The following CAMTA1 variants were observed in gnomAD, a reference collection of about 807,000 sequenced individuals.
CAMTA1 encodes calmodulin-binding transcription activator 1.
A neutral mutation model predicts 170.9 loss-of-function variants in CAMTA1; 27 were observed. The ratio of observed to expected loss-of-function variants is 0.16; its 90% CI spans 0.12 to 0.22. The LOEUF is 0.22. Among genes scored for constraint, CAMTA1 ranks in the 10% least tolerant of loss-of-function variants. CAMTA1 has a pLI of 1.00. For synonymous variants in CAMTA1, 833 were observed against 891.5 expected (o/e 0.93, Z 1.17); for missense variants, 1,619 against 2,217.2 (o/e 0.73, Z 5.42).
At chr1:6,791,061 A>G (rs1193697267) in intron 1 of CAMTA1, among the ~76,000 whole-genome samples, 1 of 148,284 alleles carries the variant, frequency 6.7e-6, no homozygotes, top group Non-Finnish European at 1.5e-5. Flanking sequence ...TTTCCATTAT[A>G]CAGATCTTTT....
chr1:7,162,591 A>C lies in CAMTA1; in HGVS notation c.302+71220A>C, dbSNP rs1364443792. Among the ~76,000 whole-genome samples the C allele has an allele frequency of 2.0e-5, 3 of 152,166 alleles. No individual in the cohort carries two copies. In the East Asian group the frequency reaches 5.8e-4, roughly 29 times the overall value. On this transcript the variant is annotated intron_variant, in intron 4 of 22. Coordinates refer to ENST00000303635, the MANE Select transcript of CAMTA1 (RefSeq NM_015215.4). ...CTCTTGCAACTGGCTTTTTAAACTT[A>C]TGGTAATGTTTTCAAGGTTTATTCA...
At chr1:7,723,901 C>T (rs2149807756) in intron 11 of CAMTA1, among the ~76,000 whole-genome samples, 1 of 152,342 alleles carries the variant, frequency 6.6e-6, no homozygotes, top group South Asian at 2.1e-4. Flanking sequence ...CTCACTGCAA[C>T]CTCTGCCTCC....
At chr1:6,794,327 A>G (rs1641918444) in intron 1 of CAMTA1, among the ~76,000 whole-genome samples, 1 of 152,194 alleles carries the variant, frequency 6.6e-6, no homozygotes, top group Admixed American at 6.5e-5. Context: ...GGATTTTTTT[A>G]TTGCGAATCC....
Position 7,766,485 on chromosome 1 carries a change from A to C in CAMTA1, c.5016A>C (p.Gly1672=), listed in dbSNP as rs1007879037. ...KRSERIEKGQ[G]T is the part of the protein sequence containing the mutation. The stretch of plus-strand genomic sequence containing the variant: ...GTGAAAGAATTGAAAAAGGCCAAGG[A>C]ACTTGAAGACATACAGCAGCATCCC... The change falls in exon 23 of 23, where the codon GGA becomes GGC. Residue 1672 remains glycine (G), a synonymous_variant. Coordinates refer to ENST00000303635, the MANE Select transcript of CAMTA1 (RefSeq NM_015215.4). 8.7e-6 allele frequency: 14 copies of C among 1,614,016 alleles called. No homozygotes were observed. The African/African-American group carries it at 1.6e-4, about 18-fold the overall frequency.
At chr1:7,751,789 G>T (rs1409333579) in intron 20 of CAMTA1, among the ~76,000 whole-genome samples, 7 of 151,616 alleles carry the variant, frequency 4.6e-5, no homozygotes, top group African/African-American at 1.7e-4. Flanking sequence ...CTTTGAGGCT[G>T]AAGGAAATCT....
At chr1:7,753,463 T>C (rs1029051725) in intron 21 of CAMTA1, among the ~76,000 whole-genome samples, 1 of 152,222 alleles carries the variant, frequency 6.6e-6, no homozygotes, top group Non-Finnish European at 1.5e-5. Flanking sequence ...AATGTCTTAC[T>C]TCCTCTTCCT....
intron 4 of CAMTA1, among the ~76,000 whole-genome samples, chr1:7,174,213 T>TA (rs1650278632): frequency 6.6e-6 from 1 of 152,168 alleles, no homozygotes; most frequent in Non-Finnish European, 1.5e-5. Flanking sequence ...CTGCAGAACT[T>TA]ATTAGATTAG....
At chr1:6,902,082 AAT>A (rs1201048479) in intron 3 of CAMTA1, among the ~76,000 whole-genome samples, 8 of 124,382 alleles carry the variant, frequency 6.4e-5, no homozygotes, top group South Asian at 2.3e-4. Flanking sequence ...CAAAAAAAAA[AAT>A]AAAAATAAAA....
chr1:6,880,373 C>T (rs745906736), intron 3 of CAMTA1, among the ~76,000 whole-genome samples: 14 of 146,390 alleles, frequency 9.6e-5, no homozygotes, highest in East Asian at 2.0e-4. Context: ...CAGGCCCAGC[C>T]TCTAAAAGTG....
intron 5 of CAMTA1, among the ~76,000 whole-genome samples, chr1:7,265,703 C>T (rs1668823525): frequency 6.6e-6 from 1 of 152,164 alleles, no homozygotes. Context: ...ATTCATTTTT[C>T]CTGTTTCCAT....
At chr1:7,037,154 T>C (rs1023477793) in intron 3 of CAMTA1, among the ~76,000 whole-genome samples, 11 of 152,202 alleles carry the variant, frequency 7.2e-5, no homozygotes, top group African/African-American at 2.7e-4. Flanking sequence ...GACGATACAC[T>C]TGCTCATTTG....
intron 4 of CAMTA1, among the ~76,000 whole-genome samples, chr1:7,125,454 G>C (rs11120855): frequency 0.62 from 93,881 of 151,958 alleles, 29,567 homozygotes; most frequent in African/African-American, 0.74. Context: ...CAAACAGACC[G>C]TGTGTTCAAG....
At chr1:7,051,694 G>A (rs1389887233) in intron 3 of CAMTA1, among the ~76,000 whole-genome samples, 19 of 152,032 alleles carry the variant, frequency 1.2e-4, no homozygotes, top group Non-Finnish European at 2.9e-5. Flanking sequence ...TGTTTGCCAG[G>A]ACAGACTCAT....
intron 4 of CAMTA1, among the ~76,000 whole-genome samples, chr1:7,149,116 G>A (rs1461676378): frequency 6.6e-6 from 1 of 152,230 alleles, no homozygotes; most frequent in African/African-American, 2.4e-5. Context: ...GGGCTTCTCT[G>A]GGGGTGGGTA....
rs185925549 is a variant in CAMTA1, at chr1:7,709,384, C to T, written c.2915-23064C>T. Among the ~76,000 whole-genome samples, 11 of 152,320 alleles carry T rather than the reference C, an allele frequency of 7.2e-5. No individual in the cohort carries two copies. The East Asian group carries it at 1.2e-3, about 16-fold the overall frequency. On this transcript the variant is annotated intron_variant, in intron 11 of 22. Coordinates refer to ENST00000303635, the MANE Select transcript of CAMTA1 (RefSeq NM_015215.4). ...TGTGTTTCTTCAAGCCCAAGACAAA[C>T]GTGATCCTACTCCGTGCCTTTGGTT...
intron 3 of CAMTA1, among the ~76,000 whole-genome samples, chr1:6,876,860 C>A (rs891526130): frequency 2.0e-5 from 3 of 152,132 alleles, no homozygotes; most frequent in Non-Finnish European, 4.4e-5. Flanking sequence ...CTGAATAGTA[C>A]AGAATGTTGG....
At chr1:7,494,963 G>A (rs1182347677) in intron 6 of CAMTA1, among the ~76,000 whole-genome samples, 1 of 152,096 alleles carries the variant, frequency 6.6e-6, no homozygotes, top group African/African-American at 2.4e-5. Flanking sequence ...TCAGACTGGG[G>A]CTGGGATCCC....
intron 6 of CAMTA1, among the ~76,000 whole-genome samples, chr1:7,604,326 C>T (rs902116826): frequency 4.6e-5 from 7 of 152,218 alleles, no homozygotes; most frequent in East Asian, 1.9e-4. Flanking sequence ...ACAAATCAGA[C>T]GTAGAGTTGG....
chr1:7,197,940 G>A (rs1258857664), intron 4 of CAMTA1, among the ~76,000 whole-genome samples: 4 of 151,806 alleles, frequency 2.6e-5, no homozygotes, highest in African/African-American at 7.3e-5. Context: ...TCATTGTCCC[G>A]AATGAGCAAG....
Sources: gnomAD v4.1 joint callset for allele counts (sites outside exome capture counted in the v4.1 genomes callset) on GRCh38, gnomAD v4.1.1 for gene constraint, MANE v1.5 for transcripts, NCBI Gene and HGNC (gene_info 2026-07-23, HGNC 2026-07-21) for gene names.